Variants in LDLRAD4 observed in about 807,000 individuals in gnomAD.
LDLRAD4 encodes low density lipoprotein receptor class A domain containing 4.
A neutral mutation model predicts 17.0 loss-of-function variants in LDLRAD4; 5 were observed. The observed-to-expected ratio is 0.29, with a 90% confidence interval of 0.15 to 0.62. The LOEUF (loss-of-function observed/expected upper bound fraction) is 0.62. Ranked by LOEUF, LDLRAD4 falls within the 20% of genes least tolerant of loss-of-function variation. The pLI is 0.84. For synonymous variants in LDLRAD4, 168 were observed against 171.8 expected (o/e 0.98, Z 0.17); for missense variants, 340 against 424.7 (o/e 0.80, Z 1.75).
Position 13,402,872 on chromosome 18 carries a change from G to C in LDLRAD4, c.40+15110G>C, listed in dbSNP as rs115426261. 3.0e-3 allele frequency among the ~76,000 whole-genome samples: 456 copies of C among 152,234 alleles called. 1 individual carries two copies. Among genetic ancestry groups the C allele is most frequent in the African/African-American group, 0.01 (435 of 41,524 alleles). On this transcript the variant is annotated intron_variant, in intron 2 of 5. Transcript: ENST00000359446. ...TGAAAAACATGCTTATCACATTTGCGAATGACAGGAGATTGGAAGGGGTTG... is the reference window on the plus strand; with the variant it reads ...TGAAAAACATGCTTATCACATTTGCCAATGACAGGAGATTGGAAGGGGTTG...
chr18:13,440,625 C>T lies in LDLRAD4; in HGVS notation c.181+2241C>T, dbSNP rs879702340. On this transcript the variant is annotated intron_variant, in intron 3 of 5. Coordinates refer to ENST00000359446, the Ensembl canonical transcript of LDLRAD4. This position sits in a 1 kb window ranked among gnomAD's most constrained non-coding sequence, Gnocchi z 4.4. ...TTCAGATTGATCTGGGTTCAAGGTT[C>T]GGCCTAGGGGAGTGACAGCTCCTTT... Among the ~76,000 whole-genome samples the T allele has an allele frequency of 3.9e-5, 6 of 152,260 alleles. No individual in the cohort carries two copies. Among genetic ancestry groups the T allele is most frequent in the East Asian group, 1.9e-4 (1 of 5,174 alleles).
At chr18:13,283,301 G>T (rs1350183567) in intron 1 of LDLRAD4, among the ~76,000 whole-genome samples, 1 of 152,188 alleles carries the variant, frequency 6.6e-6, no homozygotes, top group East Asian at 1.9e-4. Context: ...CTATTGCATA[G>T]TCAGCCTGCA....
chr18:13,278,889 T>C (rs1206625014), intron 1 of LDLRAD4, among the ~76,000 whole-genome samples: 1 of 152,206 alleles, frequency 6.6e-6, no homozygotes, highest in Admixed American at 6.5e-5. Context: ...CCCCTGAAGC[T>C]CTTGGAGCAT....
Position 13,336,764 on chromosome 18 carries a change from C to T in LDLRAD4, c.-382-50577C>T, listed in dbSNP as rs142385321. Among the ~76,000 whole-genome samples, 273 of 151,876 alleles carry T rather than the reference C, an allele frequency of 1.8e-3. 4 individuals carry two copies. The highest frequency in any genetic ancestry group is 3.7e-3 in the Admixed American group (57 of 15,244). On this transcript the variant is annotated intron_variant, in intron 1 of 5. Coordinates refer to ENST00000359446, the Ensembl canonical transcript of LDLRAD4. ...TTCCTTGAGTTCTTATATTTGTGCT[C>T]TGTGGTGCATCCCTCCCTCTCTTCT... is the stretch of plus-strand genomic sequence containing the variant.
At chr18:13,524,574 G>A (rs945332926) in intron 3 of LDLRAD4, among the ~76,000 whole-genome samples, 2 of 152,148 alleles carry the variant, frequency 1.3e-5, no homozygotes, top group Non-Finnish European at 2.9e-5. Flanking sequence ...CCTCAGTAAC[G>A]CCGTGTAACA....
chr18:13,397,258 C>T (rs913457399), intron 2 of LDLRAD4, among the ~76,000 whole-genome samples: 1 of 152,178 alleles, frequency 6.6e-6, no homozygotes, highest in African/African-American at 2.4e-5. Context: ...ATTCTCTTGC[C>T]TCAGCCTCCC....
chr18:13,373,025 C>T (rs924543913), intron 1 of LDLRAD4, among the ~76,000 whole-genome samples: 2 of 152,196 alleles, frequency 1.3e-5, no homozygotes, highest in African/African-American at 2.4e-5. Flanking sequence ...GCTAGGGTCT[C>T]GCAGACTAAC....
intron 1 of LDLRAD4, among the ~76,000 whole-genome samples, chr18:13,248,658 A>C (rs1174825340): frequency 6.6e-6 from 1 of 152,224 alleles, no homozygotes; most frequent in Non-Finnish European, 1.5e-5. Flanking sequence ...ATAATTACAT[A>C]TTTATGGGGT....
intron 3 of LDLRAD4, chr18:13,620,767 C>A (rs2040550401): frequency 6.6e-6 from 2 of 300,938 alleles, no homozygotes; most frequent in Non-Finnish European, 1.3e-5. Context: ...GTATGGGTCC[C>A]TAGGGGAATT....
At chr18:13,346,609 T>G (rs2082705199) in intron 1 of LDLRAD4, among the ~76,000 whole-genome samples, 1 of 152,230 alleles carries the variant, frequency 6.6e-6, no homozygotes. Context: ...GGTACAGAGC[T>G]GAGTTCAATT....
chr18:13,313,766 C>T (rs1447508065), intron 1 of LDLRAD4, among the ~76,000 whole-genome samples: 1 of 152,168 alleles, frequency 6.6e-6, no homozygotes, highest in Non-Finnish European at 1.5e-5. Context: ...GCCTTTGTTC[C>T]CTACACCTGC....
At chr18:13,452,869 C>T (rs941584916) in intron 3 of LDLRAD4, among the ~76,000 whole-genome samples, 1 of 152,186 alleles carries the variant, frequency 6.6e-6, no homozygotes, top group Admixed American at 6.5e-5. Flanking sequence ...AGTCCAGCCT[C>T]AGCCTGAGGG....
At chr18:13,253,224 A>G (rs185176768) in intron 1 of LDLRAD4, among the ~76,000 whole-genome samples, 38 of 151,566 alleles carry the variant, frequency 2.5e-4, no homozygotes, top group Admixed American at 2.2e-3. Flanking sequence ...GGTGAGGAGG[A>G]GTGTCAGACG....
At chr18:13,448,832 T>C (rs2146336353) in intron 3 of LDLRAD4, among the ~76,000 whole-genome samples, 1 of 152,280 alleles carries the variant, frequency 6.6e-6, no homozygotes, top group African/African-American at 2.4e-5. Flanking sequence ...GAAATAAAGC[T>C]GAAGTCTAAA....
chr18:13,385,475 T>TA (rs1397560556), intron 1 of LDLRAD4, among the ~76,000 whole-genome samples: 3 of 152,078 alleles, frequency 2.0e-5, no homozygotes, highest in Admixed American at 6.6e-5. Context: ...ACCTGATTTT[T>TA]AAAAAAAGTG....
intron 1 of LDLRAD4, chr18:13,362,072 C>T (rs879859428): frequency 7.9e-5 from 12 of 152,018 alleles, no homozygotes; most frequent in Non-Finnish European, 1.5e-4. Context: ...GGTCTGTGGG[C>T]AAAGGCACAC....
At chr18:13,568,737 CTG>C (rs1437507458) in intron 3 of LDLRAD4, among the ~76,000 whole-genome samples, 5 of 152,206 alleles carry the variant, frequency 3.3e-5, no homozygotes, top group African/African-American at 1.2e-4. Flanking sequence ...TTTAGGGTCT[CTG>C]TATCACAGTA....
chr18:13,265,046 C>T (rs1283342318), intron 1 of LDLRAD4, among the ~76,000 whole-genome samples: 5 of 152,214 alleles, frequency 3.3e-5, no homozygotes, highest in Admixed American at 3.3e-4. Context: ...TCCTGGCTCC[C>T]TGATCCATCC....
At chr18:13,499,037 TC>T (rs1315974413) in intron 3 of LDLRAD4, among the ~76,000 whole-genome samples, 2 of 140,486 alleles carry the variant, frequency 1.4e-5, no homozygotes, top group African/African-American at 5.5e-5. Context: ...GCCACACACG[TC>T]CTGCCGTGGA....
Sources: gnomAD v4.1 joint callset for allele counts (sites outside exome capture counted in the v4.1 genomes callset) on GRCh38, gnomAD v4.1.1 for gene constraint, Gnocchi (gnomAD v3.1) non-coding constraint, MANE v1.5 for transcripts, NCBI Gene and HGNC (gene_info 2026-07-23, HGNC 2026-07-21) for gene names.